RBL1: variants seen among roughly 807,000 people sequenced by gnomAD.
RBL1 encodes RB transcriptional corepressor like 1, also known as retinoblastoma-like protein 1.
In RBL1, 82 loss-of-function variants were observed where a neutral mutation model predicts 123.0. The ratio of observed to expected loss-of-function variants is 0.67; its 90% CI spans 0.56 to 0.80. The LOEUF is 0.80. Ranked by LOEUF, RBL1 falls within the 30% of genes least tolerant of loss-of-function variation. RBL1 has a pLI of 0.00. For synonymous variants in RBL1, 405 were observed against 441.3 expected, an observed-to-expected ratio of 0.92 and a Z score of 1.03; for missense variants, 1,171 against 1,299.6, an observed-to-expected ratio of 0.90 and a Z score of 1.52.
intron 19 of RBL1, among the ~76,000 whole-genome samples, chr20:37,010,485 A>G (rs2064133428): frequency 2.0e-5 from 3 of 152,156 alleles, no homozygotes; most frequent in Admixed American, 2.0e-4. Context: ...TGTCATGAGA[A>G]TACTATAGAA....
intron 13 of RBL1, among the ~76,000 whole-genome samples, chr20:37,042,038 A>C (rs1222538860): frequency 4.2e-5 from 6 of 142,050 alleles, no homozygotes; most frequent in Non-Finnish European, 9.0e-5. Flanking sequence ...ACGCCACCGC[A>C]CTCCAGCCTG....
chr20:37,033,105 CCT>C (rs2064541466), intron 15 of RBL1, among the ~76,000 whole-genome samples: 1 of 150,672 alleles, frequency 6.6e-6, no homozygotes, highest in Non-Finnish European at 1.5e-5. Flanking sequence ...GTGGCCTCGA[CCT>C]CCTGGGCTCA....
At chr20:37,031,940 G>T (rs1203277758) in intron 16 of RBL1, among the ~76,000 whole-genome samples, 2 of 145,710 alleles carry the variant, frequency 1.4e-5, no homozygotes, top group African/African-American at 5.1e-5. Context: ...TAGAGATAGG[G>T]TCTCACTGTG....
intron 13 of RBL1, among the ~76,000 whole-genome samples, chr20:37,040,500 G>A (rs2064704575): frequency 6.6e-6 from 1 of 151,946 alleles, no homozygotes; most frequent in Non-Finnish European, 1.5e-5. Context: ...CTACAGGTGT[G>A]TGCCATCATG....
intron 2 of RBL1, among the ~76,000 whole-genome samples, chr20:37,070,318 G>A (rs2065264670): frequency 6.6e-6 from 1 of 152,006 alleles, no homozygotes; most frequent in Non-Finnish European, 1.5e-5. Flanking sequence ...AAGTTCCCAG[G>A]GACACAAACA....
chr20:37,000,306 G>A lies in RBL1; in HGVS notation c.3037-1377C>T, dbSNP rs549614692. Among the ~76,000 whole-genome samples, 31 of 150,026 alleles carry A rather than the reference G, an allele frequency of 2.1e-4. 1 individual carries two copies. The highest frequency in any genetic ancestry group is 3.8e-4 in the Non-Finnish European group (26 of 67,542). The stretch of plus-strand genomic sequence containing the variant: ...AGCGTCTTCGCCTGGCAGCCACCCC[G>A]TCTGGGAGGGAGGTGGGGGTCAGCC... On this transcript the variant is annotated intron_variant, in intron 21 of 21. Coordinates refer to ENST00000373664, the MANE Select transcript of RBL1 (RefSeq NM_002895.5).
chr20:37,013,169 T>A (rs759232465), intron 19 of RBL1, among the ~76,000 whole-genome samples: 1 of 151,822 alleles, frequency 6.6e-6, no homozygotes, highest in Non-Finnish European at 1.5e-5. Flanking sequence ...GGGAAAAGAT[T>A]TGAGAAATCG....
chr20:37,022,638 T>C lies in RBL1; in HGVS notation c.2559+12A>G. The C allele has an allele frequency of 6.3e-7, 1 of 1,592,562 alleles. No homozygotes were observed. The highest frequency in any genetic ancestry group is 8.6e-7 in the Non-Finnish European group (1 of 1,167,206). ...CACCATGCCCAGCCTCTTCTCCCAA[T>C]TTATACATTACCTTTGCCATGATAT... On this transcript the variant is annotated intron_variant, in intron 17 of 21. Coordinates refer to ENST00000373664, the MANE Select transcript of RBL1 (RefSeq NM_002895.5).
chr20:37,001,649 G>A (rs28758375), intron 21 of RBL1, among the ~76,000 whole-genome samples: 1 of 148,614 alleles, frequency 6.7e-6, no homozygotes. Flanking sequence ...CCTCTGCCTA[G>A]GAAAACCAGA....
chr20:37,013,585 TAA>T (rs5841249), intron 19 of RBL1, among the ~76,000 whole-genome samples: 22 of 101,390 alleles, frequency 2.2e-4, no homozygotes, highest in African/African-American at 2.8e-4. Context: ...GAATGATCAA[TAA>T]AAAAAAAAAA....
intron 21 of RBL1, among the ~76,000 whole-genome samples, chr20:37,001,301 G>T (rs1429246488): frequency 6.6e-6 from 1 of 151,994 alleles, no homozygotes. Context: ...TGACAATGGC[G>T]GTTTTGTGGA....
intron 19 of RBL1, among the ~76,000 whole-genome samples, chr20:37,015,504 C>T (rs1380818857): frequency 6.6e-6 from 1 of 151,886 alleles, no homozygotes; most frequent in African/African-American, 2.4e-5. Context: ...GATCTCCGCT[C>T]ACTGCAAGCT....
At chr20:37,037,290 G>A (rs1318308554) in intron 14 of RBL1, among the ~76,000 whole-genome samples, 1 of 152,144 alleles carries the variant, frequency 6.6e-6, no homozygotes, top group East Asian at 1.9e-4. Context: ...GCACAGTACT[G>A]GAACAGCTAT....
At chr20:37,038,867 T>C (rs994573318) in intron 14 of RBL1, among the ~76,000 whole-genome samples, 5 of 152,138 alleles carry the variant, frequency 3.3e-5, no homozygotes, top group African/African-American at 1.2e-4. Context: ...CCTCCCAAAG[T>C]GCTGGGATTA....
At chr20:37,034,308 A>T (rs1304884590) in intron 15 of RBL1, among the ~76,000 whole-genome samples, 1 of 152,182 alleles carries the variant, frequency 6.6e-6, no homozygotes, top group African/African-American at 2.4e-5. Context: ...AAAAAAAAGC[A>T]AATTTTGTTC....
chr20:37,015,974 G>A lies in RBL1; in HGVS notation c.2722+2305C>T, dbSNP rs530125625. ...CCTGATTTTGTGATCCACCCGCCTC[G>A]GCCTCCCAAAGTACTGGATTACAGG... On this transcript the variant is annotated intron_variant, in intron 19 of 21. Coordinates refer to ENST00000373664, the MANE Select transcript of RBL1 (RefSeq NM_002895.5). Among the ~76,000 whole-genome samples, 12 of 149,750 alleles carry A rather than the reference G, an allele frequency of 8.0e-5. No homozygotes were observed. In the South Asian group the frequency reaches 8.5e-4, roughly 11 times the overall value.
At chr20:37,046,683 C>T (rs886703563) in intron 12 of RBL1, among the ~76,000 whole-genome samples, 4 of 151,542 alleles carry the variant, frequency 2.6e-5, no homozygotes, top group Non-Finnish European at 5.9e-5. Flanking sequence ...TCTCCGCTCA[C>T]TGCAAACCTC....
At chr20:37,076,150 G>C (rs909206190) in intron 2 of RBL1, among the ~76,000 whole-genome samples, 1 of 152,092 alleles carries the variant, frequency 6.6e-6, no homozygotes, top group African/African-American at 2.4e-5. Flanking sequence ...CCACTCAAAT[G>C]ATGTCATACT....
chr20:37,063,924 A>C (rs1228668749), intron 7 of RBL1, among the ~76,000 whole-genome samples: 2 of 151,134 alleles, frequency 1.3e-5, no homozygotes, highest in Non-Finnish European at 2.9e-5. Flanking sequence ...CCAGATTCAA[A>C]TGATCCTCCC....
Sources: gnomAD v4.1 joint callset for allele counts (sites outside exome capture counted in the v4.1 genomes callset) on GRCh38, gnomAD v4.1.1 for gene constraint, MANE v1.5 for transcripts, NCBI Gene and HGNC (gene_info 2026-07-23, HGNC 2026-07-21) for gene names.